The following PTPRZ1 variants were observed in gnomAD, a reference collection of about 807,000 sequenced individuals.
The protein encoded by PTPRZ1 is receptor-type tyrosine-protein phosphatase zeta.
A neutral mutation model predicts 214.1 loss-of-function variants in PTPRZ1; 82 were observed. The observed-to-expected ratio is 0.38, with a 90% CI of 0.32 to 0.46. The LOEUF is 0.46. PTPRZ1 is among the 20% of genes least tolerant of loss of function. PTPRZ1 has a pLI of 1.00. For synonymous variants in PTPRZ1, 945 were observed against 987.9 expected (o/e 0.96, Z 0.81); for missense variants, 2,603 against 2,748.7 (o/e 0.95, Z 1.19).
At chr7:122,036,511 A>C in intron 17 of PTPRZ1, 89 bp from the exon 18 acceptor site, 1 of 892,334 alleles carries the variant, frequency 1.1e-6, no homozygotes, top group Non-Finnish European at 1.7e-6. Context: ...ATTTTAATTG[A>C]ATGAAATAAA....
intron 8 of PTPRZ1, among the ~76,000 whole-genome samples, chr7:121,994,083 T>C (rs1798056119): frequency 6.6e-6 from 1 of 152,100 alleles, no homozygotes; most frequent in Non-Finnish European, 1.5e-5. Flanking sequence ...AACTTTCTTT[T>C]TGGAGCTCTA....
chr7:122,039,525 T>C lies in PTPRZ1; in HGVS notation c.5574T>C (p.Ser1858=), dbSNP rs1799651206. ...EYGNFLVTQK[S]VQVLAYYTVR... is the part of the protein sequence containing the mutation. Reference sequence around the variant, plus strand: ...GGAACTTTCTGGTCACTCAGAAGAGTGTGCAAGTGCTTGCCTATTATACTG... The same window carrying C: ...GGAACTTTCTGGTCACTCAGAAGAGCGTGCAAGTGCTTGCCTATTATACTG... Residue 1858 remains serine (S), a synonymous_variant, in exon 20 of 30, where the codon AGT becomes AGC. Transcript: ENST00000393386. 1 of 1,613,968 alleles carries C rather than the reference T, an allele frequency of 6.2e-7. No homozygotes were observed. The highest frequency in any genetic ancestry group is 1.3e-5 in the African/African-American group (1 of 75,006).
intron 1 of PTPRZ1, among the ~76,000 whole-genome samples, chr7:121,914,585 G>C (rs977970972): frequency 2.6e-5 from 4 of 152,110 alleles, no homozygotes; most frequent in African/African-American, 9.7e-5. Flanking sequence ...TCCTTGGGAC[G>C]TGCCTTGAAT....
At chr7:121,912,775 G>A (rs1228440223) in intron 1 of PTPRZ1, among the ~76,000 whole-genome samples, 1 of 152,046 alleles carries the variant, frequency 6.6e-6, no homozygotes, top group African/African-American at 2.4e-5. Flanking sequence ...TTAGTTAAAA[G>A]GTGAAGAGGA....
rs775406221 is a variant in PTPRZ1 at position 122,011,031 on chromosome 7, C to G, written c.1985C>G (p.Ala662Gly). The change falls in exon 12 of 30, where the codon GCA becomes GGA. Residue 662 changes from alanine to glycine, a missense_variant. Transcript: ENST00000393386. Reference protein sequence around the residue: ...VWFPSSTDITAQPDVGSGRES... With the variant: ...VWFPSSTDITGQPDVGSGRES... ...TTTCCTAGCTCTACAGACATAACAG[C>G]ACAGCCCGATGTTGGATCAGGCAGA... The G allele has an allele frequency of 6.2e-7, 1 of 1,614,118 alleles. No homozygotes were observed. The highest frequency in any genetic ancestry group is 1.1e-5 in the South Asian group (1 of 91,078).
intron 1 of PTPRZ1, among the ~76,000 whole-genome samples, chr7:121,898,486 A>T (rs1460502010): frequency 1.3e-5 from 2 of 152,176 alleles, no homozygotes; most frequent in Non-Finnish European, 2.9e-5. Flanking sequence ...TTGTATTCAA[A>T]TTGTATTTTC....
chr7:122,019,302 C>G, intron 13 of PTPRZ1, 34 bp downstream of exon 13: 2 of 1,572,976 alleles, frequency 1.3e-6, no homozygotes, highest in Non-Finnish European at 1.7e-6. Context: ...AAATTTAATT[C>G]ATAAAACTCA....
intron 22 of PTPRZ1, among the ~76,000 whole-genome samples, chr7:122,043,328 T>C (rs1260882419): frequency 6.6e-6 from 1 of 152,148 alleles, no homozygotes; most frequent in Non-Finnish European, 1.5e-5. Flanking sequence ...ACAGCAAAAG[T>C]CTAAGTAGAG....
intron 4 of PTPRZ1, among the ~76,000 whole-genome samples, chr7:121,974,525 T>C (rs1364517021): frequency 1.3e-5 from 2 of 152,162 alleles, no homozygotes; most frequent in African/African-American, 4.8e-5. Context: ...TCTCGCCCTG[T>C]CGCCCAGGCT....
Position 122,010,582 on chromosome 7 carries a change from A to G in PTPRZ1, c.1536A>G (p.Thr512=), listed in dbSNP as rs755203781. Residue 512 remains threonine, a synonymous_variant, in exon 12 of 30, where the codon ACA becomes ACG. Transcript: ENST00000393386. ...STSQPVTKLA[T]EKDISLTSQT... Reference sequence around the variant, plus strand: ...CCCAACCAGTCACTAAATTAGCCACAGAAAAAGATATTTCCTTGACTTCTC... The same window carrying G: ...CCCAACCAGTCACTAAATTAGCCACGGAAAAAGATATTTCCTTGACTTCTC... 2 of 1,613,642 alleles carry G rather than the reference A, an allele frequency of 1.2e-6. No homozygotes were observed. The highest frequency in any genetic ancestry group is 2.2e-5 in the South Asian group (2 of 91,076).
At chr7:121,919,164 C>T (rs1367133889) in intron 1 of PTPRZ1, among the ~76,000 whole-genome samples, 1 of 151,992 alleles carries the variant, frequency 6.6e-6, no homozygotes, top group Non-Finnish European at 1.5e-5. Context: ...TATAAAGAAA[C>T]ATATCAAGAT....
At chr7:122,024,260 C>T (rs777408779) in intron 13 of PTPRZ1, among the ~76,000 whole-genome samples, 6 of 150,362 alleles carry the variant, frequency 4.0e-5, no homozygotes, top group Non-Finnish European at 7.4e-5. Context: ...TTTTTTAAGG[C>T]AAATTTTTGA....
intron 1 of PTPRZ1, among the ~76,000 whole-genome samples, chr7:121,887,871 C>G (rs1473017840): frequency 6.6e-6 from 1 of 152,030 alleles, no homozygotes; most frequent in Non-Finnish European, 1.5e-5. Context: ...TCTTCATCCC[C>G]CCAACACCCC....
intron 1 of PTPRZ1, among the ~76,000 whole-genome samples, chr7:121,894,599 T>C (rs566717692): frequency 6.6e-6 from 1 of 152,106 alleles, no homozygotes; most frequent in Non-Finnish European, 1.5e-5. Flanking sequence ...AGAGACACGA[T>C]TTTGCTATGT....
At position 122,010,662 on chromosome 7, in the gene PTPRZ1, A is replaced by G. The variant is rs1381618121; in HGVS notation, c.1616A>G (p.Asn539Ser). Reference protein sequence around the residue: ...HTVEGTSASLNDGSKTVLRSP... With the variant: ...HTVEGTSASLSDGSKTVLRSP... ...GTGGAAGGTACTTCAGCCTCTTTAA[A>G]TGATGGCTCTAAAACTGTTCTTAGA... The change falls in exon 12 of 30, where the codon AAT (asparagine) becomes AGT (serine). Residue 539 changes from asparagine to serine, a missense_variant. By Grantham distance (46) the Asn-to-Ser change is conservative. Coordinates refer to ENST00000393386, the MANE Select transcript of PTPRZ1 (RefSeq NM_002851.3). The G allele has an allele frequency of 5.0e-6, 8 of 1,613,576 alleles. No homozygotes were observed. In the East Asian group the frequency reaches 1.8e-4, roughly 36 times the overall value.
Position 122,011,251 on chromosome 7 carries a change from G to A in PTPRZ1, c.2205G>A (p.Gln735=). Reference sequence around the variant, plus strand: ...CTTTTACCCCATCCTCCAGACAACAGGATTTGGTCTCCACGGTCAACGTGG... The same window carrying A: ...CTTTTACCCCATCCTCCAGACAACAAGATTTGGTCTCCACGGTCAACGTGG... The part of the protein sequence containing the change: ...PHAFTPSSRQ[Q]DLVSTVNVVY... Residue 735 remains glutamine (Q), a synonymous_variant, in exon 12 of 30, where the codon CAG becomes CAA. Transcript: ENST00000393386. 1 of 1,613,970 alleles carries A rather than the reference G, an allele frequency of 6.2e-7. No homozygotes were observed. The highest frequency in any genetic ancestry group is 8.5e-7 in the Non-Finnish European group (1 of 1,179,962).
At chr7:121,932,968 G>A (rs1258652919) in intron 2 of PTPRZ1, among the ~76,000 whole-genome samples, 1 of 152,010 alleles carries the variant, frequency 6.6e-6, no homozygotes, top group Non-Finnish European at 1.5e-5. Context: ...AATATAGGAG[G>A]TTGAGCAAGG....
At chr7:122,014,297 TATTTA>T (rs80346647) in intron 12 of PTPRZ1, among the ~76,000 whole-genome samples, 6,083 of 152,184 alleles carry the variant, frequency 0.04, 204 homozygotes, top group East Asian at 0.19. Context: ...AAACTAATTC[TATTTA>T]ATTATAAAAT....
At chr7:121,920,292 A>C (rs1795554696) in intron 1 of PTPRZ1, among the ~76,000 whole-genome samples, 1 of 152,194 alleles carries the variant, frequency 6.6e-6, no homozygotes, top group African/African-American at 2.4e-5. Context: ...CAGCAATCTT[A>C]TCATTGCTAA....
Sources: gnomAD v4.1 joint callset for allele counts (sites outside exome capture counted in the v4.1 genomes callset) on GRCh38, gnomAD v4.1.1 for gene constraint, MANE v1.5 for transcripts, NCBI Gene and HGNC (gene_info 2026-07-23, HGNC 2026-07-21) for gene names.